AMD1: variants seen among roughly 807,000 people sequenced by gnomAD.
AMD1 encodes the protein S-adenosylmethionine decarboxylase proenzyme.
A neutral mutation model predicts 40.2 loss-of-function variants in AMD1; 11 were observed. That is an observed-to-expected ratio of 0.27 (90% CI 0.17 to 0.45). AMD1 has a LOEUF of 0.45. Among genes scored for constraint, AMD1 ranks in the 20% least tolerant of loss-of-function variants. The pLI is 1.00. For synonymous variants in AMD1, 121 were observed against 130.8 expected (o/e 0.93, Z 0.51); for missense variants, 257 against 410.2 (o/e 0.63, Z 3.23).
rs1786210475 is a variant in AMD1, at chr6:110,894,645, A to C, written c.*1029A>C. On this transcript the variant is annotated 3_prime_UTR_variant, in exon 9 of 9. Transcript: ENST00000368885. ...GAGATTTAGCATAATTTTGTTCTGG[A>C]TTCAGTAAATCAAGTCAGCTTGGAT... 6.6e-6 allele frequency: 1 copy of C among 152,190 alleles called. No homozygotes were observed. Among genetic ancestry groups the C allele is most frequent in the African/African-American group, 2.4e-5 (1 of 41,450 alleles). The allele number at this position is 152,190 out of a possible 1,614,324, so 9.4% of individuals were successfully genotyped here. A position where few individuals can be genotyped will look rare whatever the true frequency, so the allele number is the denominator to read the frequency against.
Position 110,893,532 on chromosome 6 carries a change from T to A in AMD1, c.921T>A (p.Arg307=), listed in dbSNP as rs753618492. The A allele has an allele frequency of 1.9e-6, 3 of 1,614,040 alleles. No homozygotes were observed. Among genetic ancestry groups the A allele is most frequent in the East Asian group, 2.2e-5 (1 of 44,884 alleles). The change falls in exon 9 of 9, where the codon CGT becomes CGA. Residue 307 remains arginine (R), a synonymous_variant. Transcript: ENST00000368885. ...CCCAGAAGATTGAAGGTTTTAAGCGTCTTGATTGCCAGAGTGCTATGTTCA... is the reference window on the plus strand; with the variant it reads ...CCCAGAAGATTGAAGGTTTTAAGCGACTTGATTGCCAGAGTGCTATGTTCA... ...ASPQKIEGFK[R]LDCQSAMFND...
chr6:110,860,650 T>C, the AMD1 span, among the ~76,000 whole-genome samples: 2 of 151,364 alleles, frequency 1.3e-5, no homozygotes, highest in Admixed American at 6.6e-5. Flanking sequence ...AATACAAAAA[T>C]GAGCCAGGCT....
intron 4 of AMD1, chr6:110,890,855 A>G (rs1373530976): frequency 6.6e-6 from 1 of 152,240 alleles, no homozygotes; most frequent in Non-Finnish European, 1.5e-5. Flanking sequence ...GTAATTCAAA[A>G]TATGCAGAAT....
chr6:110,847,282 T>G, the AMD1 span, among the ~76,000 whole-genome samples: 1 of 152,000 alleles, frequency 6.6e-6, no homozygotes, highest in Non-Finnish European at 1.5e-5. Flanking sequence ...TCCCAGCACT[T>G]TGGGAGGCCG....
At chr6:110,883,944 A>G (rs982146317) in intron 1 of AMD1, among the ~76,000 whole-genome samples, 5 of 152,134 alleles carry the variant, frequency 3.3e-5, no homozygotes, top group African/African-American at 7.2e-5. Flanking sequence ...CCTATCCCCT[A>G]TGTGAGTCAG....
At chr6:110,859,462 C>T in the AMD1 span, among the ~76,000 whole-genome samples, 5 of 152,150 alleles carry the variant, frequency 3.3e-5, no homozygotes, top group Non-Finnish European at 5.9e-5. Flanking sequence ...ACCCAGTCCC[C>T]GAAGGTTTCC....
the AMD1 span, among the ~76,000 whole-genome samples, chr6:110,837,172 CAAAAAAAAAAA>C: frequency 8.4e-5 from 2 of 23,876 alleles, no homozygotes; most frequent in Admixed American, 7.6e-4. Flanking sequence ...CAGAGCGTCT[CAAAAAAAAAAA>C]AAAAAAAAAA....
the AMD1 span, chr6:110,858,693 C>T: frequency 1.9e-5 from 16 of 851,112 alleles, no homozygotes; most frequent in Admixed American, 2.8e-4. Flanking sequence ...AAGCAGGAGC[C>T]GAACTTCGAC....
At chr6:110,829,190 C>G in the AMD1 span, among the ~76,000 whole-genome samples, 2 of 151,412 alleles carry the variant, frequency 1.3e-5, no homozygotes, top group African/African-American at 2.4e-5. Flanking sequence ...ACCCCTGTGC[C>G]GACCTCTTTA....
rs1047325220 is a variant in AMD1, at chr6:110,891,935, G to T, written c.428-226G>T. The stretch of plus-strand genomic sequence containing the variant: ...TTTTTGTATTTTTAGTAGCGATGGG[G>T]TTTCATCATGTTGGCCAGGCTCGAA... On this transcript the variant is annotated intron_variant, in intron 4 of 8. Transcript: ENST00000368885. 2.3e-5 allele frequency: 13 copies of T among 570,512 alleles called. No individual in the cohort carries two copies. In the African/African-American group the frequency reaches 2.4e-4, roughly 11 times the overall value. The allele number at this position is 570,512 out of a possible 1,614,324, so 35.3% of individuals were successfully genotyped here.
At chr6:110,848,568 T>C in the AMD1 span, 119 of 425,506 alleles carry the variant, frequency 2.8e-4, no homozygotes, top group African/African-American at 2.4e-3. Flanking sequence ...TGTTTTTGTT[T>C]AACTTGTGGA....
chr6:110,839,001 G>A, the AMD1 span, among the ~76,000 whole-genome samples: 5 of 152,014 alleles, frequency 3.3e-5, no homozygotes, highest in East Asian at 7.7e-4. Flanking sequence ...TCTTGACCTC[G>A]GGTGATCCAC....
chr6:110,887,359 TATAG>T (rs1294308249), intron 1 of AMD1, 142 bp from the exon 2 acceptor site: 3 of 536,730 alleles, frequency 5.6e-6, no homozygotes, highest in African/African-American at 1.9e-5. Context: ...GGTGTGTCAA[TATAG>T]ATTATTTTGA....
the AMD1 span, among the ~76,000 whole-genome samples, chr6:110,868,236 C>A: frequency 2.0e-5 from 3 of 152,058 alleles, no homozygotes; most frequent in Non-Finnish European, 4.4e-5. Flanking sequence ...CAAGTTCTGC[C>A]TCCCGGGTTC....
the AMD1 span, among the ~76,000 whole-genome samples, chr6:110,825,037 C>G: frequency 3.9e-5 from 6 of 152,140 alleles, no homozygotes; most frequent in Non-Finnish European, 2.9e-5. Flanking sequence ...GTAGTCCCAC[C>G]TTGTCCTTGG....
chr6:110,887,352 G>A (rs2070969), intron 1 of AMD1, among the ~76,000 whole-genome samples, 153 bp from the exon 2 acceptor site: 131,351 of 152,080 alleles, frequency 0.86, 56,887 homozygotes, highest in Middle Eastern at 0.95. Flanking sequence ...TTATCTGGGT[G>A]TGTCAATATA....
chr6:110,852,363 A>G, the AMD1 span, among the ~76,000 whole-genome samples: 1 of 151,734 alleles, frequency 6.6e-6, no homozygotes, highest in Non-Finnish European at 1.5e-5. Context: ...CTACAACTAC[A>G]GGCACACGCC....
At chr6:110,890,432 GA>G (rs1785949792) in intron 4 of AMD1, 76 bp downstream of exon 4, 10 of 1,059,282 alleles carry the variant, frequency 9.4e-6, no homozygotes, top group Non-Finnish European at 1.4e-5. Context: ...TTCTATATGA[GA>G]GCATACTTAT....
intron 1 of AMD1, among the ~76,000 whole-genome samples, chr6:110,882,488 A>AT (rs1007906939): frequency 2.0e-5 from 3 of 152,190 alleles, no homozygotes; most frequent in Non-Finnish European, 2.9e-5. Flanking sequence ...AAAGCAGGCC[A>AT]TTTTTTCCCA....
Sources: gnomAD v4.1 joint callset for allele counts (sites outside exome capture counted in the v4.1 genomes callset) on GRCh38, gnomAD v4.1.1 for gene constraint, MANE v1.5 for transcripts, NCBI Gene and HGNC (gene_info 2026-07-23, HGNC 2026-07-21) for gene names.